TAF4B: variants seen among roughly 807,000 people sequenced by gnomAD.
TAF4B encodes the protein transcription initiation factor TFIID subunit 4B.
A neutral mutation model predicts 86.4 loss-of-function variants in TAF4B; 38 were observed. The ratio of observed to expected loss-of-function variants is 0.44; its 90% CI spans 0.34 to 0.58. The LOEUF is 0.58. Among genes scored for constraint, TAF4B ranks in the 20% least tolerant of loss-of-function variants. The pLI is 0.02. For missense variants in TAF4B, 988 were observed against 1,027.6 expected (o/e 0.96, Z 0.53); for synonymous variants, 388 against 391.2 (o/e 0.99, Z 0.10).
At chr18:26,231,858 C>CG (rs895533567) in intron 1 of TAF4B, among the ~76,000 whole-genome samples, 6 of 152,068 alleles carry the variant, frequency 3.9e-5, no homozygotes, top group African/African-American at 1.4e-4. Context: ...GGGACCTGAG[C>CG]GGGTTGTTGC....
At chr18:26,321,918 A>T (rs916780671) in intron 11 of TAF4B, among the ~76,000 whole-genome samples, 3 of 152,172 alleles carry the variant, frequency 2.0e-5, no homozygotes, top group Non-Finnish European at 2.9e-5. Context: ...TTATTAAAAA[A>T]ACTAAATACA....
At chr18:26,303,968 AT>A (rs1435460640) in intron 9 of TAF4B, among the ~76,000 whole-genome samples, 1 of 152,052 alleles carries the variant, frequency 6.6e-6, no homozygotes, top group Non-Finnish European at 1.5e-5. Flanking sequence ...TATCTGTTAG[AT>A]TTATTCCTAG....
At chr18:26,310,901 T>C (rs9646560) in intron 9 of TAF4B, among the ~76,000 whole-genome samples, 35,976 of 151,876 alleles carry the variant, frequency 0.24, 4,690 homozygotes, top group Non-Finnish European at 0.3. Context: ...TCCCTAGATA[T>C]AGTATTCAAC....
chr18:26,314,901 T>C (rs559402141), intron 9 of TAF4B, among the ~76,000 whole-genome samples: 45 of 152,268 alleles, frequency 3.0e-4, no homozygotes, highest in Admixed American at 9.8e-4. Context: ...AGAGGGAAAG[T>C]TGGGACCTAG....
At chr18:26,337,836 G>GGT in intron 13 of TAF4B, among the ~76,000 whole-genome samples, 1 of 152,150 alleles carries the variant, frequency 6.6e-6, no homozygotes, top group Non-Finnish European at 1.5e-5. Flanking sequence ...TTTGGGTTGT[G>GGT]AATTTTTGGT....
intron 10 of TAF4B, 27 bp downstream of exon 10, chr18:26,315,425 C>A: frequency 6.6e-7 from 1 of 1,526,680 alleles, no homozygotes; most frequent in Non-Finnish European, 8.8e-7. Context: ...GATTATTGAC[C>A]TGATAGAGAT....
chr18:26,386,142 A>C (rs373853609), intron 14 of TAF4B, among the ~76,000 whole-genome samples: 1 of 152,008 alleles, frequency 6.6e-6, no homozygotes, highest in Non-Finnish European at 1.5e-5. Flanking sequence ...GGTTTTTTTC[A>C]TTTATAACAT....
chr18:26,256,200 C>T, intron 1 of TAF4B: 1 of 1,609,996 alleles, frequency 6.2e-7, no homozygotes, highest in Non-Finnish European at 8.5e-7. Context: ...ACAGGCATTG[C>T]AGATGTCTCC....
chr18:26,321,754 C>G (rs1268290988), intron 11 of TAF4B, among the ~76,000 whole-genome samples: 5 of 152,100 alleles, frequency 3.3e-5, no homozygotes, highest in Non-Finnish European at 7.4e-5. Flanking sequence ...ATAATCTACT[C>G]ATTTAGCAGA....
chr18:26,321,040 A>AC (rs2144676007), intron 10 of TAF4B, 30 bp from the exon 11 acceptor site: 2 of 1,612,890 alleles, frequency 1.2e-6, no homozygotes, highest in Non-Finnish European at 8.5e-7. Flanking sequence ...CACTACTAAA[A>AC]CACGTAATGG....
At chr18:26,274,884 T>C in intron 4 of TAF4B, 47 bp from the exon 5 acceptor site, 1 of 1,612,756 alleles carries the variant, frequency 6.2e-7, no homozygotes, top group Non-Finnish European at 8.5e-7. Context: ...TTGAATTGTT[T>C]GCTCACTAAC....
chr18:26,293,032 C>T (rs1288882689), intron 8 of TAF4B, among the ~76,000 whole-genome samples: 1 of 152,136 alleles, frequency 6.6e-6, no homozygotes, highest in Non-Finnish European at 1.5e-5. Flanking sequence ...TATGCATGTA[C>T]ATGCATGCAT....
chr18:26,296,937 G>A (rs1029104188), intron 9 of TAF4B, among the ~76,000 whole-genome samples: 3 of 151,774 alleles, frequency 2.0e-5, no homozygotes, highest in Non-Finnish European at 4.4e-5. Flanking sequence ...TCAAGAGTTC[G>A]AGACCAGCCT....
chr18:26,343,354 A>C (rs530434612), intron 13 of TAF4B, among the ~76,000 whole-genome samples: 1 of 152,192 alleles, frequency 6.6e-6, no homozygotes, highest in South Asian at 2.1e-4. Flanking sequence ...CCTGAACTAT[A>C]CATTTGCCAT....
chr18:26,346,801 GTATA>G (rs368950266), intron 13 of TAF4B, among the ~76,000 whole-genome samples: 1,522 of 18,218 alleles, frequency 0.084, 269 homozygotes, highest in African/African-American at 0.15. Context: ...ATATATATGT[GTATA>G]TATATATATA....
At chr18:26,239,309 G>A (rs1424230374) in intron 1 of TAF4B, among the ~76,000 whole-genome samples, 1 of 152,054 alleles carries the variant, frequency 6.6e-6, no homozygotes, top group Admixed American at 6.5e-5. Context: ...GTATCTCATT[G>A]TGGTTTCGAT....
intron 9 of TAF4B, among the ~76,000 whole-genome samples, chr18:26,308,547 G>A (rs1247571872): frequency 6.6e-6 from 1 of 152,114 alleles, no homozygotes; most frequent in Non-Finnish European, 1.5e-5. Context: ...TTATAATGCT[G>A]TGGTGTGAAA....
chr18:26,231,564 C>T (rs1006432277), intron 1 of TAF4B, among the ~76,000 whole-genome samples: 5 of 151,792 alleles, frequency 3.3e-5, no homozygotes, highest in African/African-American at 4.8e-5. Flanking sequence ...GTTGGCCAGG[C>T]TGATCTTTGA....
chr18:26,365,875 C>T (rs964370928), intron 14 of TAF4B, among the ~76,000 whole-genome samples: 3 of 152,082 alleles, frequency 2.0e-5, no homozygotes, highest in African/African-American at 7.2e-5. Flanking sequence ...CTGCAACCTC[C>T]ACCTCCCAGG....
Sources: gnomAD v4.1 joint callset for allele counts (sites outside exome capture counted in the v4.1 genomes callset) on GRCh38, gnomAD v4.1.1 for gene constraint, MANE v1.5 for transcripts, NCBI Gene and HGNC (gene_info 2026-07-23, HGNC 2026-07-21) for gene names.